The following DIP2A variants were observed in gnomAD, a reference collection of about 807,000 sequenced individuals.
DIP2A encodes the protein DIP2 acetate--CoA ligase A.
DIP2A carries 85 observed loss-of-function variants against 177.4 expected under a neutral mutation model. That is an observed-to-expected ratio of 0.48 (90% CI 0.40 to 0.57). The LOEUF (loss-of-function observed/expected upper bound fraction) is 0.57, where lower values mean the gene tolerates loss of function less well. Among genes scored for constraint, DIP2A ranks in the 20% least tolerant of loss-of-function variants. The pLI is 0.00. For missense variants in DIP2A, 1,791 were observed against 2,100.2 expected (o/e 0.85, Z 2.88); for synonymous variants, 886 against 881.8 (o/e 1.00, Z -0.08).
intron 16 of DIP2A, 77 bp from the exon 17 acceptor site, chr21:46,539,800 C>A: frequency 8.0e-7 from 1 of 1,254,080 alleles, no homozygotes; most frequent in Non-Finnish European, 1.2e-6. Flanking sequence ...GCTGCGCTAA[C>A]TTGAGCATGT....
Position 46,462,191 on chromosome 21 carries a change from A to T in DIP2A, c.91+2969A>T, listed in dbSNP as rs894218068. Reference sequence around the variant, plus strand: ...TTTTGGCCAAAATAGGTCAGTGATTACTTAGGCACAGTCACACGTGGACCT... The same window carrying T: ...TTTTGGCCAAAATAGGTCAGTGATTTCTTAGGCACAGTCACACGTGGACCT... On this transcript the variant is annotated intron_variant, in intron 1 of 37. Coordinates refer to ENST00000417564, the MANE Select transcript of DIP2A (RefSeq NM_015151.4). Among the ~76,000 whole-genome samples, 5 of 152,184 alleles carry T rather than the reference A, an allele frequency of 3.3e-5. No homozygotes were observed. The East Asian group carries it at 9.6e-4, about 29-fold the overall frequency.
intron 1 of DIP2A, among the ~76,000 whole-genome samples, chr21:46,474,743 A>G (rs548126432): frequency 6.6e-6 from 1 of 152,236 alleles, no homozygotes; most frequent in South Asian, 2.1e-4. Flanking sequence ...TCAGCCTCCC[A>G]AGTAGCTGGA....
chr21:46,534,177 C>T, intron 12 of DIP2A, 64 bp downstream of exon 12: 5 of 1,317,204 alleles, frequency 3.8e-6, no homozygotes, highest in South Asian at 2.5e-5. Flanking sequence ...TCTTGCTTTT[C>T]ATAAGAATGT....
chr21:46,466,490 A>G (rs1489159238), intron 1 of DIP2A, among the ~76,000 whole-genome samples: 3 of 151,912 alleles, frequency 2.0e-5, no homozygotes, highest in Non-Finnish European at 4.4e-5. Context: ...CTGGGATTAC[A>G]GGTGCCTGCC....
At chr21:46,480,966 C>T (rs779334076) in intron 1 of DIP2A, among the ~76,000 whole-genome samples, 16 of 152,102 alleles carry the variant, frequency 1.1e-4, no homozygotes, top group African/African-American at 3.4e-4. Context: ...TTTCAGACTC[C>T]GGAAAGCTGA....
the DIP2A span, among the ~76,000 whole-genome samples, chr21:46,577,138 C>T: frequency 6.6e-6 from 1 of 152,098 alleles, no homozygotes; most frequent in Non-Finnish European, 1.5e-5. Context: ...TAATTAGATC[C>T]TATTTGTCAA....
At chr21:46,490,548 A>G (rs1230291064) in intron 2 of DIP2A, 52 bp from the exon 3 acceptor site, 2 of 1,516,972 alleles carry the variant, frequency 1.3e-6, no homozygotes, top group South Asian at 1.3e-5. Context: ...CTTTTTCATA[A>G]TTGGAAAAGC....
intron 8 of DIP2A, among the ~76,000 whole-genome samples, chr21:46,526,502 C>T (rs2059100946): frequency 6.6e-6 from 1 of 151,430 alleles, no homozygotes; most frequent in Admixed American, 6.6e-5. Context: ...TCAAGCAATT[C>T]TCATGCCTCA....
At position 46,511,569 on chromosome 21, in the gene DIP2A, A is replaced by T; in HGVS notation, c.1057A>T (p.Thr353Ser). The T allele has an allele frequency of 6.3e-7, 1 of 1,586,816 alleles. No individual in the cohort carries two copies. Among genetic ancestry groups the T allele is most frequent in the East Asian group, 2.3e-5 (1 of 44,242 alleles). The change falls in exon 8 of 38, where the codon ACT becomes TCT. Residue 353 changes from threonine (T) to serine (S), a missense_variant. By Grantham distance (58) the Thr-to-Ser change is moderately conservative. Coordinates refer to ENST00000417564, the MANE Select transcript of DIP2A (RefSeq NM_015151.4). ...AACACAGCCCAAATCCCCCTGTCTG[A>T]CTGCCTTGGATACAACTGGGAAAGC... ...GTTQPKSPCL[T>S]ALDTTGKAVY...
At chr21:46,533,882 C>A (rs754922281) in intron 11 of DIP2A, 122 bp from the exon 12 acceptor site, 40 of 1,001,096 alleles carry the variant, frequency 4.0e-5, no homozygotes, top group Non-Finnish European at 5.7e-5. Flanking sequence ...TGAAATGAGA[C>A]TAAAACTTGC....
rs373255304 is a variant in DIP2A at position 46,557,088 on chromosome 21, C to T, written c.3629+19C>T. The T allele has an allele frequency of 1.7e-5, 27 of 1,586,436 alleles. No homozygotes were observed. Among genetic ancestry groups the T allele is most frequent in the Non-Finnish European group, 2.2e-5 (26 of 1,163,848 alleles). Reference sequence around the variant, plus strand: ...TGTGCAGGTGAGTGCAGGGCCCCTGCTGCCTGCCAGGTGGGAGCAGCTCGT... The same window carrying T: ...TGTGCAGGTGAGTGCAGGGCCCCTGTTGCCTGCCAGGTGGGAGCAGCTCGT... On this transcript the variant is annotated intron_variant, in intron 30 of 37. Transcript: ENST00000417564. This position sits in a 1 kb window ranked among gnomAD's most constrained non-coding sequence, Gnocchi z 6.0.
chr21:46,536,719 C>T (rs557382741), intron 13 of DIP2A, among the ~76,000 whole-genome samples: 10 of 152,210 alleles, frequency 6.6e-5, no homozygotes, highest in South Asian at 2.1e-4. Context: ...GCCTGGCCAA[C>T]GTGGTGAAAT....
At chr21:46,506,857 G>C (rs1283294713) in intron 6 of DIP2A, among the ~76,000 whole-genome samples, 1 of 134,644 alleles carries the variant, frequency 7.4e-6, no homozygotes, top group Non-Finnish European at 1.5e-5. Context: ...GCAGAGTGCA[G>C]TGGTGCGATC....
intron 32 of DIP2A, among the ~76,000 whole-genome samples, chr21:46,559,970 A>T (rs2060610807): frequency 6.6e-6 from 1 of 152,218 alleles, no homozygotes; most frequent in Non-Finnish European, 1.5e-5. Flanking sequence ...TTGCTGTCTT[A>T]CTTTGTTCAC....
At chr21:46,546,567 C>T (rs949260068) in intron 20 of DIP2A, among the ~76,000 whole-genome samples, 5 of 152,188 alleles carry the variant, frequency 3.3e-5, no homozygotes, top group Admixed American at 6.5e-5. Flanking sequence ...AGTTTTCAGT[C>T]CTTCACAAAC....
intron 33 of DIP2A, 39 bp from the exon 34 acceptor site, chr21:46,561,709 T>C: frequency 6.2e-7 from 1 of 1,612,268 alleles, no homozygotes; most frequent in Non-Finnish European, 8.5e-7. Flanking sequence ...ACTACCTGTG[T>C]AGTAAATTTT....
chr21:46,461,271 CAAAAAAA>C (rs60346777), intron 1 of DIP2A, among the ~76,000 whole-genome samples: 14 of 49,322 alleles, frequency 2.8e-4, no homozygotes, highest in Admixed American at 1.3e-3. Context: ...CTCTTCTCAC[CAAAAAAA>C]AAAAAAAAAA....
At chr21:46,509,190 C>T in intron 6 of DIP2A, 67 bp from the exon 7 acceptor site, 1 of 1,526,366 alleles carries the variant, frequency 6.6e-7, no homozygotes, top group Non-Finnish European at 8.8e-7. Context: ...GTCCTTGGAC[C>T]TTACACCTGT....
Position 46,557,187 on chromosome 21 carries a change from T to C in DIP2A, c.3629+118T>C. 1 of 1,192,436 alleles carries C rather than the reference T, an allele frequency of 8.4e-7. No homozygotes were observed. The highest frequency in any genetic ancestry group is 1.1e-6 in the Non-Finnish European group (1 of 877,226). The allele number at this position is 1,192,436 out of a possible 1,614,324, so 73.9% of individuals were successfully genotyped here. ...AGGAAGCCGATGAGATGTGTGTGAG[T>C]GGGTTTGTTTGGGGATGAAGTGGGT... On this transcript the variant is annotated intron_variant, in intron 30 of 37. Transcript: ENST00000417564. The surrounding 1 kb of genome is among the most constrained non-coding windows in gnomAD (Gnocchi z 6.0).
Sources: allele counts gnomAD v4.1 joint callset (sites outside exome capture counted in the v4.1 genomes callset), GRCh38; gene constraint gnomAD v4.1.1; non-coding constraint Gnocchi (gnomAD v3.1); transcripts MANE v1.5; gene names NCBI Gene and HGNC (gene_info 2026-07-23, HGNC 2026-07-21).